Variants in XPO7 observed in about 807,000 individuals in gnomAD.
The protein encoded by XPO7 is exportin-7.
In XPO7, 21 loss-of-function variants were observed where a neutral mutation model predicts 144.3. The ratio of observed to expected loss-of-function variants is 0.15; its 90% confidence interval spans 0.10 to 0.21. XPO7 has a LOEUF of 0.21. XPO7 is among the 10% of genes least tolerant of loss of function. XPO7 has a pLI of 1.00. For synonymous variants in XPO7, 580 were observed against 499.6 expected (o/e 1.16, Z -2.15); for missense variants, 808 against 1,325.8 (o/e 0.61, Z 6.06).
chr8:21,993,161 A>G (rs1292816556), intron 19 of XPO7, among the ~76,000 whole-genome samples: 3 of 152,214 alleles, frequency 2.0e-5, no homozygotes, highest in Non-Finnish European at 2.9e-5. Context: ...AGGCTAGAGT[A>G]TCAACCAATA....
chr8:21,990,500 G>A, intron 17 of XPO7, 93 bp downstream of exon 17: 2 of 1,403,454 alleles, frequency 1.4e-6, no homozygotes, highest in Non-Finnish European at 2.0e-6. Flanking sequence ...GAGGTCCCGG[G>A]TATTGCTACA....
intron 1 of XPO7, among the ~76,000 whole-genome samples, chr8:21,927,871 A>G (rs561006474): frequency 1.3e-5 from 2 of 152,084 alleles, no homozygotes; most frequent in Non-Finnish European, 2.9e-5. Context: ...TATTCCTCCC[A>G]TACCCGTCCC....
At chr8:21,977,724 T>C in intron 7 of XPO7, 46 bp from the exon 8 acceptor site, 1 of 1,572,944 alleles carries the variant, frequency 6.4e-7, no homozygotes, top group South Asian at 1.1e-5. Flanking sequence ...CCAGCGGCAA[T>C]GTTCATACTT....
At chr8:21,992,822 A>G (rs985125559) in intron 19 of XPO7, among the ~76,000 whole-genome samples, 2 of 152,002 alleles carry the variant, frequency 1.3e-5, no homozygotes, top group Admixed American at 1.3e-4. Context: ...TGTTCTCTTG[A>G]CCTGTATAGA....
chr8:22,003,768 CT>C (rs1237538598), intron 26 of XPO7, 134 bp from the exon 27 acceptor site: 3 of 1,334,446 alleles, frequency 2.2e-6, no homozygotes, highest in Non-Finnish European at 3.0e-6. Flanking sequence ...GCCTGAATTT[CT>C]TTTTTAAGGG....
chr8:21,961,584 A>G (rs1028117643), intron 1 of XPO7, among the ~76,000 whole-genome samples: 9 of 152,138 alleles, frequency 5.9e-5, no homozygotes, highest in Non-Finnish European at 1.2e-4. Flanking sequence ...AACTAGCAAC[A>G]TACGAGTTCT....
intron 6 of XPO7, among the ~76,000 whole-genome samples, chr8:21,975,147 T>C (rs1269336072): frequency 6.6e-6 from 1 of 152,232 alleles, no homozygotes; most frequent in African/African-American, 2.4e-5. Context: ...AGTTTTATGG[T>C]GTTTGGATTC....
chr8:21,953,940 T>C (rs896163206), intron 1 of XPO7, among the ~76,000 whole-genome samples: 3 of 152,356 alleles, frequency 2.0e-5, no homozygotes, highest in East Asian at 1.9e-4. Context: ...TTCTCCCATT[T>C]GGTAACTAGT....
Position 21,990,411 on chromosome 8 carries a change from A to T in XPO7, c.1932+4A>T. 6.2e-7 allele frequency: 1 copy of T among 1,613,352 alleles called. No individual in the cohort carries two copies. The highest frequency in any genetic ancestry group is 8.5e-7 in the Non-Finnish European group (1 of 1,179,406). ...GTTCATGCTGAACAATCACACGGTG[A>T]GTGATTTTAGCTTTTTTTCCTGGCC... On this transcript the variant is annotated splice_donor_region_variant and intron_variant, in intron 17 of 27. Coordinates refer to ENST00000252512, the MANE Select transcript of XPO7 (RefSeq NM_015024.5).
At chr8:21,952,279 C>T (rs942064415) in intron 1 of XPO7, among the ~76,000 whole-genome samples, 1 of 151,566 alleles carries the variant, frequency 6.6e-6, no homozygotes, top group Admixed American at 6.6e-5. Context: ...AATTTAGTAT[C>T]AACCCTGTTC....
intron 1 of XPO7, among the ~76,000 whole-genome samples, chr8:21,923,647 A>C (rs1359595226): frequency 1.3e-5 from 2 of 152,226 alleles, no homozygotes; most frequent in Non-Finnish European, 2.9e-5. Flanking sequence ...ACAGTGATGG[A>C]AGAATCTCTA....
At chr8:21,995,084 A>G (rs891055312) in intron 20 of XPO7, among the ~76,000 whole-genome samples, 1 of 151,654 alleles carries the variant, frequency 6.6e-6, no homozygotes, top group African/African-American at 2.4e-5. Flanking sequence ...AATAATAATA[A>G]TAAACAGCTT....
chr8:21,941,422 G>C (rs923339789), intron 1 of XPO7, among the ~76,000 whole-genome samples: 11 of 152,222 alleles, frequency 7.2e-5, no homozygotes, highest in Non-Finnish European at 1.5e-4. Flanking sequence ...AAAGTGCTGG[G>C]ATTACAGGCA....
At chr8:21,977,738 A>G (rs1444869274) in intron 7 of XPO7, 32 bp from the exon 8 acceptor site, 3 of 1,607,908 alleles carry the variant, frequency 1.9e-6, no homozygotes, top group East Asian at 2.2e-5. Context: ...CATACTTAAT[A>G]AAGTGATGTC....
intron 21 of XPO7, among the ~76,000 whole-genome samples, chr8:21,998,489 T>C (rs1350569361): frequency 1.3e-5 from 2 of 152,138 alleles, no homozygotes; most frequent in African/African-American, 4.8e-5. Flanking sequence ...AATTTTCAAA[T>C]AGTAATTTTA....
At chr8:21,956,991 C>T (rs548353379) in intron 1 of XPO7, among the ~76,000 whole-genome samples, 7 of 152,272 alleles carry the variant, frequency 4.6e-5, no homozygotes, top group South Asian at 4.2e-4. Flanking sequence ...CCTCTGAAAG[C>T]GTGGCGAGGC....
At chr8:21,963,185 A>G (rs558884465) in intron 1 of XPO7, among the ~76,000 whole-genome samples, 1 of 152,302 alleles carries the variant, frequency 6.6e-6, no homozygotes, top group African/African-American at 2.4e-5. Context: ...TTGTAACATG[A>G]TGGCAGCTTC....
chr8:21,994,850 G>A (rs1324732673), intron 20 of XPO7, among the ~76,000 whole-genome samples: 1 of 151,952 alleles, frequency 6.6e-6, no homozygotes, highest in African/African-American at 2.4e-5. Context: ...TCAGGAGATC[G>A]AGACCATCCT....
chr8:21,966,582 T>A (rs1051733892), intron 1 of XPO7, among the ~76,000 whole-genome samples: 4 of 152,134 alleles, frequency 2.6e-5, no homozygotes, highest in Non-Finnish European at 4.4e-5. Flanking sequence ...GGCTGGGTAT[T>A]TGCAAGCGGA....
Sources: allele counts gnomAD v4.1 joint callset (sites outside exome capture counted in the v4.1 genomes callset), GRCh38; gene constraint gnomAD v4.1.1; transcripts MANE v1.5; gene names NCBI Gene and HGNC (gene_info 2026-07-23, HGNC 2026-07-21).